The following EVC2 variants were observed in gnomAD, a reference collection of about 807,000 sequenced individuals.
EVC2 encodes limbin.
In EVC2, 148 loss-of-function variants were observed where a neutral mutation model predicts 149.3. The observed-to-expected ratio is 0.99, with a 90% CI of 0.87 to 1.14. EVC2 has a LOEUF of 1.14. Among genes scored for constraint, EVC2 ranks in the 50% most tolerant of loss-of-function variants. EVC2 has a pLI of 0.00. For synonymous variants in EVC2, 776 were observed against 649.9 expected, an observed-to-expected ratio of 1.19 and a Z score of -2.95; for missense variants, 1,854 against 1,627.3, an observed-to-expected ratio of 1.14 and a Z score of -2.40.
At chr4:5,592,139 G>C (rs1712863826) in intron 16 of EVC2, among the ~76,000 whole-genome samples, 1 of 152,128 alleles carries the variant, frequency 6.6e-6, no homozygotes, top group South Asian at 2.1e-4. Context: ...CTTTCATATT[G>C]ATGAAAACTA....
chr4:5,575,052 C>G (rs1044283650), intron 18 of EVC2, among the ~76,000 whole-genome samples: 1 of 152,184 alleles, frequency 6.6e-6, no homozygotes, highest in Non-Finnish European at 1.5e-5. Flanking sequence ...AGGGTGATCT[C>G]TGTGATGCTG....
At chr4:5,634,274 G>A (rs1276690778) in intron 10 of EVC2, among the ~76,000 whole-genome samples, 1 of 152,174 alleles carries the variant, frequency 6.6e-6, no homozygotes, top group African/African-American at 2.4e-5. Flanking sequence ...CAGCTGACTT[G>A]ATCTAAATCA....
intron 16 of EVC2, among the ~76,000 whole-genome samples, chr4:5,595,363 T>G (rs1391273171): frequency 6.6e-6 from 1 of 152,172 alleles, no homozygotes; most frequent in Non-Finnish European, 1.5e-5. Flanking sequence ...GACTAACAGC[T>G]GATCGCTAGG....
chr4:5,537,951 T>G (rs563572906), downstream of EVC2, among the ~76,000 whole-genome samples: 5 of 150,844 alleles, frequency 3.3e-5, no homozygotes, highest in Non-Finnish European at 5.9e-5. Flanking sequence ...CAGATATCAG[T>G]GAAATACAAA....
At chr4:5,672,451 G>A (rs114071284) in intron 7 of EVC2, among the ~76,000 whole-genome samples, 1,834 of 152,278 alleles carry the variant, frequency 0.012, 36 homozygotes, top group African/African-American at 0.042. Flanking sequence ...TCAGCCTGGA[G>A]GAAGGTAAAT....
chr4:5,676,132 G>C (rs143076785), intron 7 of EVC2, among the ~76,000 whole-genome samples: 1 of 152,110 alleles, frequency 6.6e-6, no homozygotes, highest in Admixed American at 6.5e-5. Context: ...ACACAGAAGG[G>C]GATATCTAGT....
chr4:5,708,610 C>T (rs1052428393), upstream of EVC2: 42 of 894,788 alleles, frequency 4.7e-5, no homozygotes, highest in African/African-American at 5.1e-4. Flanking sequence ...ATGCTCAGTG[C>T]GAGCCGCCGC....
intron 22 of EVC2, chr4:5,542,911 TG>T (rs1721542280): frequency 3.0e-6 from 1 of 332,118 alleles, no homozygotes; most frequent in African/African-American, 2.2e-5. Flanking sequence ...CCAGGGCCAC[TG>T]AAAGGATCAG....
chr4:5,529,758 T>A, the EVC2 span, among the ~76,000 whole-genome samples: 2 of 152,126 alleles, frequency 1.3e-5, no homozygotes, highest in African/African-American at 4.8e-5. The surrounding 1 kb of genome is among the most constrained non-coding windows in gnomAD (Gnocchi z 4.5). Flanking sequence ...AACTTACATA[T>A]GATGCATGAA....
intron 7 of EVC2, among the ~76,000 whole-genome samples, chr4:5,674,220 C>T (rs546343024): frequency 2.0e-5 from 3 of 152,192 alleles, no homozygotes; most frequent in African/African-American, 7.2e-5. Context: ...AGTGAGATCT[C>T]GAAGATAATC....
At chr4:5,653,939 C>A (rs1397423474) in intron 9 of EVC2, among the ~76,000 whole-genome samples, 2 of 152,204 alleles carry the variant, frequency 1.3e-5, no homozygotes, top group Non-Finnish European at 2.9e-5. Flanking sequence ...ACAGGCCGGG[C>A]ATGGTGGTTC....
At chr4:5,624,041 A>C (rs144934983) in intron 13 of EVC2, among the ~76,000 whole-genome samples, 1 of 152,308 alleles carries the variant, frequency 6.6e-6, no homozygotes, top group African/African-American at 2.4e-5. Context: ...TCATTGAGAG[A>C]CAACTTAAAT....
chr4:5,582,425 T>C (rs1482692493), intron 17 of EVC2, among the ~76,000 whole-genome samples: 1 of 152,226 alleles, frequency 6.6e-6, no homozygotes, highest in Non-Finnish European at 1.5e-5. Context: ...CATTTCAGAC[T>C]TGCCTGGGGC....
chr4:5,551,727 A>T (rs2108759766), intron 21 of EVC2, among the ~76,000 whole-genome samples: 1 of 152,294 alleles, frequency 6.6e-6, no homozygotes, highest in Non-Finnish European at 1.5e-5. Flanking sequence ...CCCCACCCAA[A>T]TTTTATCTTG....
chr4:5,691,478 T>A, intron 3 of EVC2, 145 bp from the exon 4 acceptor site: 1 of 681,180 alleles, frequency 1.5e-6, no homozygotes, highest in South Asian at 1.9e-5. Flanking sequence ...TCTTATTTTT[T>A]AAAAGAGCAT....
At chr4:5,645,952 T>A (rs1170777620) in intron 9 of EVC2, among the ~76,000 whole-genome samples, 1 of 152,146 alleles carries the variant, frequency 6.6e-6, no homozygotes, top group African/African-American at 2.4e-5. Context: ...TCAGACAGAA[T>A]CTCGCTCTTG....
chr4:5,561,326 T>A (rs899726917), downstream of EVC2, among the ~76,000 whole-genome samples: 1 of 152,174 alleles, frequency 6.6e-6, no homozygotes, highest in Non-Finnish European at 1.5e-5. Context: ...AGACCATGCA[T>A]GCTCCACTCT....
chr4:5,565,624 G>A (rs557894878), intron 20 of EVC2, among the ~76,000 whole-genome samples: 15 of 147,982 alleles, frequency 1.0e-4, no homozygotes, highest in African/African-American at 3.5e-4. Flanking sequence ...AGTGAGCTGA[G>A]ATCACGCCAT....
At chr4:5,593,313 C>A (rs1346074903) in intron 16 of EVC2, among the ~76,000 whole-genome samples, 1 of 152,180 alleles carries the variant, frequency 6.6e-6, no homozygotes, top group Non-Finnish European at 1.5e-5. Flanking sequence ...GCCTGCCCTT[C>A]TTTCAAGTGT....
Sources: allele counts gnomAD v4.1 joint callset (sites outside exome capture counted in the v4.1 genomes callset), GRCh38; gene constraint gnomAD v4.1.1; non-coding constraint Gnocchi (gnomAD v3.1); transcripts MANE v1.5; gene names NCBI Gene and HGNC (gene_info 2026-07-23, HGNC 2026-07-21).